The following PLA2R1 variants were observed in gnomAD, a reference collection of about 807,000 sequenced individuals.
The protein encoded by PLA2R1 is phospholipase A2 receptor 1.
PLA2R1 carries 158 observed loss-of-function variants against 195.9 expected under a neutral mutation model. The ratio of observed to expected loss-of-function variants is 0.81; its 90% confidence interval spans 0.71 to 0.92. PLA2R1 has a LOEUF of 0.92. Among genes scored for constraint, PLA2R1 ranks in the 40% least tolerant of loss-of-function variants. The pLI, the probability that PLA2R1 is intolerant of heterozygous loss-of-function variation, is 0.00. For missense variants in PLA2R1, 1,626 were observed against 1,764.6 expected, an observed-to-expected ratio of 0.92 and a Z score of 1.41; for synonymous variants, 586 against 598.2, an observed-to-expected ratio of 0.98 and a Z score of 0.30.
At position 159,932,880 on chromosome 2, in the gene PLA2R1, T is replaced by G. The variant is rs1258892092; in HGVS notation, c.*8898A>C. ...TATCCAGGAACATATACATTGGATC[T>G]AATATAAATAAGAGACTTAATGGGA... On this transcript the variant is annotated 3_prime_UTR_variant, in exon 30 of 30. Transcript: ENST00000283243. The G allele has an allele frequency of 1.3e-5, 2 of 152,112 alleles. No individual in the cohort carries two copies. The highest frequency in any genetic ancestry group is 4.8e-5 in the African/African-American group (2 of 41,422). 9.4% of individuals were successfully genotyped at this position (152,112 alleles called of 1,614,324 possible).
intron 13 of PLA2R1, among the ~76,000 whole-genome samples, chr2:159,982,554 T>C (rs557852701): frequency 3.3e-5 from 5 of 152,252 alleles, no homozygotes; most frequent in Non-Finnish European, 7.3e-5. Context: ...AGATTGTACA[T>C]TGTTTTGCAA....
In PLA2R1 at chr2:159,933,434, T is replaced by A. The variant is rs1345990622; in HGVS notation, c.*8344A>T. The A allele has an allele frequency of 6.6e-6, 1 of 151,222 alleles. No individual in the cohort carries two copies. Among genetic ancestry groups the A allele is most frequent in the Non-Finnish European group, 1.5e-5 (1 of 68,046 alleles). 9.4% of individuals were successfully genotyped at this position (151,222 alleles called of 1,614,324 possible). On this transcript the variant is annotated 3_prime_UTR_variant, in exon 30 of 30. Coordinates refer to ENST00000283243, the MANE Select transcript of PLA2R1 (RefSeq NM_007366.5). ...AAAAAATACTAAAGAAAGCTGTTTA[T>A]CTAACATTTCCTACAATTTAATACA... is the stretch of plus-strand genomic sequence containing the variant.
At chr2:159,980,912 G>C (rs1410358395) in intron 13 of PLA2R1, among the ~76,000 whole-genome samples, 1 of 152,184 alleles carries the variant, frequency 6.6e-6, no homozygotes, top group African/African-American at 2.4e-5. Flanking sequence ...ATTCAGCTTA[G>C]AAATCCAAGA....
intron 23 of PLA2R1, among the ~76,000 whole-genome samples, chr2:159,952,623 C>G (rs1687816854): frequency 6.6e-6 from 1 of 152,162 alleles, no homozygotes; most frequent in Non-Finnish European, 1.5e-5. Flanking sequence ...GCTAAGAGCT[C>G]TTGGGCAAAT....
chr2:159,958,556 G>T lies in PLA2R1; in HGVS notation c.2905-1929C>A, dbSNP rs148165683. ...ATCATACACCCCTTAAAAGCAGAGA[G>T]ACTAAGTCTTACTCCTCTTTGAACA... is the stretch of plus-strand genomic sequence containing the variant. On this transcript the variant is annotated intron_variant, in intron 20 of 29. Transcript: ENST00000283243. 7.7e-3 allele frequency among the ~76,000 whole-genome samples: 1,170 copies of T among 152,128 alleles called. 8 individuals carry two copies. The highest frequency in any genetic ancestry group is 0.013 in the Non-Finnish European group (875 of 67,994).
downstream of PLA2R1, among the ~76,000 whole-genome samples, chr2:159,930,698 C>G (rs76003963): frequency 6.9e-3 from 1,046 of 152,282 alleles, 15 homozygotes; most frequent in African/African-American, 0.023. Context: ...TACAGCAGAT[C>G]CTAATGATGT....
At chr2:160,026,652 T>C (rs915785910) in intron 6 of PLA2R1, among the ~76,000 whole-genome samples, 1 of 152,176 alleles carries the variant, frequency 6.6e-6, no homozygotes, top group Non-Finnish European at 1.5e-5. Context: ...ACGAGGTGCC[T>C]CCATTAAGAA....
intron 20 of PLA2R1, among the ~76,000 whole-genome samples, chr2:159,957,377 T>C (rs1688159535): frequency 6.6e-6 from 1 of 152,154 alleles, no homozygotes; most frequent in South Asian, 2.1e-4. Flanking sequence ...TTTTTTGAGA[T>C]GGAGTCTTGC....
At chr2:160,012,913 A>G (rs1692462986) in intron 10 of PLA2R1, among the ~76,000 whole-genome samples, 1 of 152,178 alleles carries the variant, frequency 6.6e-6, no homozygotes, top group South Asian at 2.1e-4. Flanking sequence ...TTCTGTCTCA[A>G]AAAAATGAAA....
intron 11 of PLA2R1, among the ~76,000 whole-genome samples, chr2:159,989,300 T>C (rs763652393): frequency 6.6e-6 from 1 of 152,182 alleles, no homozygotes; most frequent in East Asian, 1.9e-4. Flanking sequence ...AGCTGGATCA[T>C]GAACAGTACA....
At chr2:160,050,114 CAAAAT>C (rs1695125355) in intron 1 of PLA2R1, among the ~76,000 whole-genome samples, 3 of 152,092 alleles carry the variant, frequency 2.0e-5, no homozygotes, top group African/African-American at 7.2e-5. Flanking sequence ...GAACTTAAAA[CAAAAT>C]AAAATAAACA....
At chr2:159,924,387 G>A in the PLA2R1 span, among the ~76,000 whole-genome samples, 1 of 152,156 alleles carries the variant, frequency 6.6e-6, no homozygotes, top group Non-Finnish European at 1.5e-5. Context: ...CTTCAGCCTA[G>A]GACATTGTCA....
At chr2:159,926,427 A>C in the PLA2R1 span, among the ~76,000 whole-genome samples, 4 of 152,282 alleles carry the variant, frequency 2.6e-5, no homozygotes, top group African/African-American at 9.6e-5. Context: ...GTCCACACTT[A>C]TTTTAGATCA....
intron 6 of PLA2R1, among the ~76,000 whole-genome samples, chr2:160,026,213 G>A (rs756685512): frequency 1.1e-4 from 16 of 152,152 alleles, no homozygotes; most frequent in Non-Finnish European, 2.1e-4. Context: ...AAAGAGACTT[G>A]ACAGAGGACA....
downstream of PLA2R1, among the ~76,000 whole-genome samples, chr2:159,927,604 G>T (rs1054662624): frequency 2.0e-5 from 3 of 152,142 alleles, no homozygotes; most frequent in African/African-American, 7.2e-5. Flanking sequence ...AACTCTCCTT[G>T]GGGTTTCTTT....
At chr2:159,958,695 T>C (rs1688256878) in intron 20 of PLA2R1, among the ~76,000 whole-genome samples, 1 of 152,196 alleles carries the variant, frequency 6.6e-6, no homozygotes, top group African/African-American at 2.4e-5. Flanking sequence ...TCAGTGGTTC[T>C]CCAACAGGAC....
intron 27 of PLA2R1, chr2:159,945,848 T>C (rs1687353368): frequency 1.1e-6 from 1 of 936,186 alleles, no homozygotes; most frequent in Non-Finnish European, 1.3e-6. Context: ...TACAGTGTTC[T>C]TATTTAGGTC....
chr2:159,927,598 C>T (rs2125896120), downstream of PLA2R1, among the ~76,000 whole-genome samples: 1 of 152,346 alleles, frequency 6.6e-6, no homozygotes, highest in South Asian at 2.1e-4. Flanking sequence ...TTTCAGAACT[C>T]TCCTTGGGGT....
chr2:159,953,671 T>C (rs1004701408), intron 23 of PLA2R1, among the ~76,000 whole-genome samples: 12 of 152,214 alleles, frequency 7.9e-5, no homozygotes, highest in African/African-American at 2.7e-4. Context: ...CAATCACCAC[T>C]ATTCTGTACT....
Sources: allele counts gnomAD v4.1 joint callset (sites outside exome capture counted in the v4.1 genomes callset), GRCh38; gene constraint gnomAD v4.1.1; transcripts MANE v1.5; gene names NCBI Gene and HGNC (gene_info 2026-07-23, HGNC 2026-07-21).